Variants in ATP7B observed in about 807,000 individuals in gnomAD.
The protein encoded by ATP7B is copper-transporting ATPase 2.
ATP7B carries 113 observed loss-of-function variants against 118.9 expected under a neutral mutation model. That is an observed-to-expected ratio of 0.95 (90% CI 0.82 to 1.11). The LOEUF (loss-of-function observed/expected upper bound fraction) is 1.11, where lower values mean the gene tolerates loss of function less well. Among genes scored for constraint, ATP7B ranks in the 50% most tolerant of loss-of-function variants. The pLI, the probability that ATP7B is intolerant of heterozygous loss-of-function variation, is 0.00. For missense variants in ATP7B, 1,867 were observed against 1,871.4 expected (o/e 1.00, Z 0.04); for synonymous variants, 777 against 727.4 (o/e 1.07, Z -1.10).
chr13:51,991,870 C>T (rs1952934645), intron 1 of ATP7B, among the ~76,000 whole-genome samples: 1 of 152,162 alleles, frequency 6.6e-6, no homozygotes, highest in Non-Finnish European at 1.5e-5. Context: ...TCCCTATTTC[C>T]CCCTTTTCAT....
At chr13:51,958,192 ATTTC>A (rs1173835521) in intron 8 of ATP7B, 115 bp downstream of exon 8, 5 of 1,220,148 alleles carry the variant, frequency 4.1e-6, no homozygotes, top group East Asian at 2.5e-5. Flanking sequence ...GAGGTTTCCT[ATTTC>A]TTTAAGTCTG....
At chr13:52,002,388 C>T (rs985796037) in intron 1 of ATP7B, among the ~76,000 whole-genome samples, 4 of 148,490 alleles carry the variant, frequency 2.7e-5, no homozygotes, top group Admixed American at 2.1e-4. Flanking sequence ...ATGGTGAAAC[C>T]GTGTCTCTAA....
At chr13:51,947,486 G>T (rs898114163) in intron 12 of ATP7B, among the ~76,000 whole-genome samples, 1 of 152,164 alleles carries the variant, frequency 6.6e-6, no homozygotes, top group Non-Finnish European at 1.5e-5. Flanking sequence ...ATAATCAAGA[G>T]ATACTATGTT....
intron 8 of ATP7B, 143 bp downstream of exon 8, chr13:51,958,168 A>T (rs1171960492): frequency 1.1e-6 from 1 of 924,666 alleles, no homozygotes; most frequent in East Asian, 2.6e-5. Flanking sequence ...TGACTAGAGC[A>T]CCTTAATTAT....
intron 17 of ATP7B, 130 bp from the exon 18 acceptor site, chr13:51,937,809 T>C: frequency 9.5e-7 from 1 of 1,054,498 alleles, no homozygotes; most frequent in African/African-American, 1.6e-5. Context: ...AACCACACCC[T>C]GCAGGTTTGC....
At chr13:51,964,044 CTG>C (rs1438973292) in intron 5 of ATP7B, among the ~76,000 whole-genome samples, 2 of 151,796 alleles carry the variant, frequency 1.3e-5, no homozygotes, top group East Asian at 3.9e-4. Context: ...GAATGAGACT[CTG>C]TCAAAAAAAG....
intron 12 of ATP7B, among the ~76,000 whole-genome samples, chr13:51,948,293 G>A (rs1256057309): frequency 1.3e-5 from 2 of 152,068 alleles, no homozygotes; most frequent in African/African-American, 4.8e-5. Flanking sequence ...AGGTTGGAGT[G>A]CAGTGGCTAT....
At chr13:51,955,234 T>C (rs183514263) in intron 9 of ATP7B, among the ~76,000 whole-genome samples, 2 of 152,040 alleles carry the variant, frequency 1.3e-5, no homozygotes, top group East Asian at 3.9e-4. Flanking sequence ...GGAGGCAGAG[T>C]CACTGGGAAA....
chr13:51,941,196 C>G lies in ATP7B; in HGVS notation c.3441G>C (p.Leu1147=). Residue 1147 remains leucine, a synonymous_variant, in exon 16 of 21, where the codon CTG becomes CTC. Coordinates refer to ENST00000242839, the MANE Select transcript of ATP7B (RefSeq NM_000053.4). ...GCCTCAGCCACTCACGGTTTCCAAT[C>G]AGCACAGAGAAGGTCTGGGGGACTG... ...KDAVPQTFSV[L]IGNREWLRRN... 6.2e-7 allele frequency: 1 copy of G among 1,614,148 alleles called. No individual in the cohort carries two copies. Among genetic ancestry groups the G allele is most frequent in the Non-Finnish European group, 8.5e-7 (1 of 1,180,030 alleles).
chr13:51,944,099 G>A lies in ATP7B; in HGVS notation c.3243+10C>T, dbSNP rs369120799. The A allele has an allele frequency of 2.5e-6, 4 of 1,613,948 alleles. No homozygotes were observed. In the South Asian group the frequency reaches 3.3e-5, roughly 13 times the overall value. ...GCGGGGAGGGCAGGGCCACGCCCAAGTCCACGTACCTCTTTACAGTATTTG... is the reference window on the plus strand; with the variant it reads ...GCGGGGAGGGCAGGGCCACGCCCAAATCCACGTACCTCTTTACAGTATTTG... On this transcript the variant is annotated intron_variant, in intron 14 of 20. Coordinates refer to ENST00000242839, the MANE Select transcript of ATP7B (RefSeq NM_000053.4).
chr13:52,006,253 G>C (rs939801354), intron 1 of ATP7B, among the ~76,000 whole-genome samples: 1 of 152,190 alleles, frequency 6.6e-6, no homozygotes, highest in Non-Finnish European at 1.5e-5. Flanking sequence ...TATGGCATCA[G>C]TGAGCAGTGT....
At chr13:51,987,530 A>G (rs1952714216) in intron 1 of ATP7B, among the ~76,000 whole-genome samples, 2 of 152,330 alleles carry the variant, frequency 1.3e-5, no homozygotes, top group South Asian at 2.1e-4. Context: ...TCAAACTACC[A>G]CTGACTTTCT....
chr13:51,973,097 G>GA (rs1478805096), intron 2 of ATP7B, among the ~76,000 whole-genome samples: 9 of 152,064 alleles, frequency 5.9e-5, no homozygotes, highest in Non-Finnish European at 1.0e-4. Flanking sequence ...CAAACAGGGA[G>GA]AAAAAAATCA....
chr13:51,995,556 A>G (rs1237459672), intron 1 of ATP7B, among the ~76,000 whole-genome samples: 1 of 152,176 alleles, frequency 6.6e-6, no homozygotes, highest in Non-Finnish European at 1.5e-5. Flanking sequence ...TCTATCGCTG[A>G]GTTCACGGCC....
At chr13:51,964,812 C>A (rs1958978778) in intron 5 of ATP7B, 60 bp downstream of exon 5, 1 of 1,566,074 alleles carries the variant, frequency 6.4e-7, no homozygotes, top group Non-Finnish European at 8.7e-7. Flanking sequence ...CATTTTTCTT[C>A]ACTGATTATA....
intron 12 of ATP7B, 96 bp downstream of exon 12, chr13:51,949,566 T>G (rs369540704): frequency 1.3e-6 from 2 of 1,538,482 alleles, no homozygotes; most frequent in Non-Finnish European, 1.8e-6. Context: ...TAATGAATAA[T>G]TAAAGCCCAG....
chr13:51,995,832 A>G (rs944190497), intron 1 of ATP7B, among the ~76,000 whole-genome samples: 2 of 152,176 alleles, frequency 1.3e-5, no homozygotes, highest in African/African-American at 4.8e-5. Context: ...CACTGTGTGC[A>G]GCACTGCAGA....
chr13:52,011,368 A>G lies in ATP7B; in HGVS notation c.-31T>C, dbSNP rs184427928. The G allele has an allele frequency of 1.5e-4, 247 of 1,614,118 alleles. No homozygotes were observed. The African/African-American group carries it at 2.8e-3, about 18-fold the overall frequency. On this transcript the variant is annotated 5_prime_UTR_variant, in exon 1 of 21. Transcript: ENST00000242839. Reference sequence around the variant, plus strand: ...CGCACGGACACCGAATTCTTCTCTGATCTGGCTCAGAGCAAAAGGTCACCT... The same window carrying G: ...CGCACGGACACCGAATTCTTCTCTGGTCTGGCTCAGAGCAAAAGGTCACCT...
At chr13:51,985,417 C>T (rs1952608852) in intron 1 of ATP7B, among the ~76,000 whole-genome samples, 1 of 152,160 alleles carries the variant, frequency 6.6e-6, no homozygotes, top group African/African-American at 2.4e-5. Context: ...ATTCATAAAG[C>T]AAGTTCTTAG....
Sources: allele counts gnomAD v4.1 joint callset (sites outside exome capture counted in the v4.1 genomes callset), GRCh38; gene constraint gnomAD v4.1.1; transcripts MANE v1.5; gene names NCBI Gene and HGNC (gene_info 2026-07-23, HGNC 2026-07-21).